SCD5: variants seen among roughly 807,000 people sequenced by gnomAD.
The protein encoded by SCD5 is acyl-CoA-desaturase 4.
In SCD5, 20 loss-of-function variants were observed where a neutral mutation model predicts 30.4. That is an observed-to-expected ratio of 0.66 (90% CI 0.46 to 0.96). The LOEUF is 0.96. Among genes scored for constraint, SCD5 ranks in the 40% least tolerant of loss-of-function variants. SCD5 has a pLI of 0.00. For synonymous variants in SCD5, 173 were observed against 176.4 expected (o/e 0.98, Z 0.16); for missense variants, 381 against 443.3 (o/e 0.86, Z 1.26).
chr4:82,695,518 C>T (rs1424176915), intron 2 of SCD5, among the ~76,000 whole-genome samples: 1 of 152,002 alleles, frequency 6.6e-6, no homozygotes, highest in Non-Finnish European at 1.5e-5. Flanking sequence ...TGGATGATAC[C>T]CAGACTTCTG....
At chr4:82,751,080 C>A (rs1721091995) in intron 1 of SCD5, among the ~76,000 whole-genome samples, 1 of 152,150 alleles carries the variant, frequency 6.6e-6, no homozygotes, top group Admixed American at 6.5e-5. Flanking sequence ...ATCTTCAGGG[C>A]TTCACAAAGA....
chr4:82,787,041 A>C (rs1722004396), intron 1 of SCD5, among the ~76,000 whole-genome samples: 1 of 152,214 alleles, frequency 6.6e-6, no homozygotes, highest in Non-Finnish European at 1.5e-5. Flanking sequence ...CCTCCTCCTA[A>C]GCAAGATCTT....
intron 3 of SCD5, among the ~76,000 whole-genome samples, chr4:82,650,265 A>G (rs1038028821): frequency 2.6e-5 from 4 of 152,224 alleles, no homozygotes; most frequent in Non-Finnish European, 5.9e-5. Flanking sequence ...CTATGAGCAG[A>G]TTATTTTAAT....
chr4:82,764,150 C>T (rs1487801761), intron 1 of SCD5, among the ~76,000 whole-genome samples: 1 of 152,242 alleles, frequency 6.6e-6, no homozygotes, highest in African/African-American at 2.4e-5. Context: ...CATCACTAGC[C>T]TCCTACAACT....
chr4:82,632,858 T>G (rs946353195), intron 4 of SCD5, among the ~76,000 whole-genome samples: 1 of 152,214 alleles, frequency 6.6e-6, no homozygotes, highest in African/African-American at 2.4e-5. Context: ...TTTACTTATT[T>G]TTTAATTGAC....
At chr4:82,792,737 G>A (rs1446615785) in intron 1 of SCD5, among the ~76,000 whole-genome samples, 1 of 152,136 alleles carries the variant, frequency 6.6e-6, no homozygotes, top group Non-Finnish European at 1.5e-5. Context: ...AAATACATAT[G>A]CCCAAATTCT....
At chr4:82,794,228 C>T (rs961125203) in intron 1 of SCD5, among the ~76,000 whole-genome samples, 18 of 152,152 alleles carry the variant, frequency 1.2e-4, no homozygotes, top group Non-Finnish European at 2.1e-4. Flanking sequence ...ACAATGGTCA[C>T]GTTTGCGCCA....
chr4:82,674,428 C>T (rs1382895242), intron 3 of SCD5, among the ~76,000 whole-genome samples: 1 of 152,176 alleles, frequency 6.6e-6, no homozygotes, highest in Non-Finnish European at 1.5e-5. Flanking sequence ...TGAGATACCA[C>T]TGCATATTAG....
At chr4:82,654,016 C>G (rs182396942) in intron 3 of SCD5, among the ~76,000 whole-genome samples, 199 of 151,992 alleles carry the variant, frequency 1.3e-3, no homozygotes, top group Middle Eastern at 0.01. Context: ...CTCCCAGGTT[C>G]AAGCAATTCT....
chr4:82,660,901 A>G (rs1468720942), intron 3 of SCD5: 22 of 1,614,014 alleles, frequency 1.4e-5, no homozygotes, highest in Non-Finnish European at 1.4e-5. Context: ...GGACACAGAA[A>G]GAGCACGCAG....
intron 1 of SCD5, among the ~76,000 whole-genome samples, chr4:82,791,307 C>T (rs1414687894): frequency 2.0e-5 from 3 of 151,972 alleles, no homozygotes; most frequent in African/African-American, 7.3e-5. Context: ...TCTCTCATGG[C>T]CATTCACACA....
chr4:82,793,586 C>CT (rs1023412581), intron 1 of SCD5, among the ~76,000 whole-genome samples: 1 of 152,160 alleles, frequency 6.6e-6, no homozygotes, highest in East Asian at 1.9e-4. Context: ...TGCCGGAAGA[C>CT]TTTTTTTTCT....
intron 1 of SCD5, among the ~76,000 whole-genome samples, chr4:82,715,773 T>C (rs1369074267): frequency 2.0e-5 from 3 of 151,698 alleles, no homozygotes; most frequent in Non-Finnish European, 2.9e-5. Flanking sequence ...TTAGCTGTCA[T>C]AGGATGATGC....
chr4:82,798,793 C>G lies in SCD5; in HGVS notation c.-256G>C. 1 of 421,846 alleles carries G rather than the reference C, an allele frequency of 2.4e-6. No individual in the cohort carries two copies. Among genetic ancestry groups the G allele is most frequent in the Non-Finnish European group, 4.2e-6 (1 of 240,370 alleles). The allele number at this position is 421,846 out of a possible 1,614,324, so 26.1% of individuals were successfully genotyped here. A position where few individuals can be genotyped will look rare whatever the true frequency, so the allele number is the denominator to read the frequency against. On this transcript the variant is annotated 5_prime_UTR_variant, in exon 1 of 5. Transcript: ENST00000319540. ...TGGCTGCCCGGGCTGAACTCGGCCG[C>G]GAGAAAGAGGAGGCGCGCGCGGGGC...
At chr4:82,660,691 T>C (rs1185204930) in intron 3 of SCD5, 4 of 1,428,502 alleles carry the variant, frequency 2.8e-6, no homozygotes, top group African/African-American at 2.9e-5. Context: ...TTTAGGACCA[T>C]ATTTTACCTC....
rs761772794 is a variant in SCD5, at chr4:82,641,382, T to A, written c.570-4559A>T. Among the ~76,000 whole-genome samples, 14 of 148,430 alleles carry A rather than the reference T, an allele frequency of 9.4e-5. No homozygotes were observed. In the East Asian group the frequency reaches 2.8e-3, roughly 29 times the overall value. On this transcript the variant is annotated intron_variant, in intron 3 of 4. Coordinates refer to ENST00000319540, the MANE Select transcript of SCD5 (RefSeq NM_001037582.3). ...TTCTGGCAGGGAAGACAATGAACAA[T>A]ATAAATAAGCAAATTGTAGAGCACA...
intron 1 of SCD5, among the ~76,000 whole-genome samples, chr4:82,761,539 G>A (rs1654468648): frequency 6.6e-6 from 1 of 151,700 alleles, no homozygotes; most frequent in Non-Finnish European, 1.5e-5. Context: ...GGGCCCTGAA[G>A]CCTCCATTCC....
intron 3 of SCD5, among the ~76,000 whole-genome samples, chr4:82,642,635 T>C (rs1158931633): frequency 6.6e-6 from 1 of 152,204 alleles, no homozygotes; most frequent in Admixed American, 6.5e-5. Context: ...CTGTAGCATG[T>C]TGTCCTTCTC....
chr4:82,717,009 G>A (rs1720242415), intron 1 of SCD5, among the ~76,000 whole-genome samples: 1 of 151,732 alleles, frequency 6.6e-6, no homozygotes, highest in South Asian at 2.1e-4. Context: ...ATGGGAGGAT[G>A]TGCAAAGGTT....
Sources: gnomAD v4.1 joint callset for allele counts (sites outside exome capture counted in the v4.1 genomes callset) on GRCh38, gnomAD v4.1.1 for gene constraint, MANE v1.5 for transcripts, NCBI Gene and HGNC (gene_info 2026-07-23, HGNC 2026-07-21) for gene names.